Variants in PTGR2 observed in about 807,000 individuals in gnomAD.
The protein encoded by PTGR2 is 15-oxoprostaglandin 13-reductase.
A neutral mutation model predicts 43.4 loss-of-function variants in PTGR2; 32 were observed. That is an observed-to-expected ratio of 0.74 (90% confidence interval 0.56 to 0.99). The LOEUF (loss-of-function observed/expected upper bound fraction) is 0.99, where lower values mean the gene tolerates loss of function less well. PTGR2 is among the 50% of genes least tolerant of loss of function. PTGR2 has a pLI of 0.00. For synonymous variants in PTGR2, 106 were observed against 139.2 expected, an observed-to-expected ratio of 0.76 and a Z score of 1.68; for missense variants, 373 against 420.0, an observed-to-expected ratio of 0.89 and a Z score of 0.98.
chr14:73,873,264 G>A (rs763518334), intron 3 of PTGR2, among the ~76,000 whole-genome samples: 2 of 151,422 alleles, frequency 1.3e-5, no homozygotes, highest in South Asian at 2.1e-4. Flanking sequence ...CCTAGATCGC[G>A]TCATTGTACT....
chr14:73,852,820 A>G (rs1237761520), intron 1 of PTGR2, among the ~76,000 whole-genome samples: 1 of 151,864 alleles, frequency 6.6e-6, no homozygotes, highest in Non-Finnish European at 1.5e-5. Flanking sequence ...CCAGAAAGAC[A>G]CGTGGTTTGT....
chr14:73,859,998 G>A (rs1057065795), intron 2 of PTGR2, among the ~76,000 whole-genome samples: 8 of 151,712 alleles, frequency 5.3e-5, no homozygotes, highest in Admixed American at 1.3e-4. Flanking sequence ...ACAGGCGTGC[G>A]CCACCACGCC....
chr14:73,876,356 G>A (rs1254248876), intron 4 of PTGR2, among the ~76,000 whole-genome samples: 1 of 152,162 alleles, frequency 6.6e-6, no homozygotes, highest in South Asian at 2.1e-4. Flanking sequence ...GGAAAATTTG[G>A]TTTCTGGTGA....
chr14:73,885,159 C>A lies in PTGR2; in HGVS notation c.*982C>A, dbSNP rs1019127401. The stretch of plus-strand genomic sequence containing the variant: ...CAAAAATTAGCTGGGCGTGGTGGCA[C>A]ACGCCTGTAATCCCAGCTACTCAGG... On this transcript the variant is annotated 3_prime_UTR_variant, in exon 10 of 10. Coordinates refer to ENST00000555661, the MANE Select transcript of PTGR2 (RefSeq NM_001146154.2). 1 of 152,266 alleles carries A rather than the reference C, an allele frequency of 6.6e-6. No individual in the cohort carries two copies. Among genetic ancestry groups the A allele is most frequent in the Admixed American group, 6.5e-5 (1 of 15,274 alleles). The allele number at this position is 152,266 out of a possible 1,614,324, so 9.4% of individuals were successfully genotyped here.
Position 73,860,499 on chromosome 14 carries a change from G to C in PTGR2, c.38-40G>C, listed in dbSNP as rs373146639. ...AATAATAATAATAGTATATAGCAAA[G>C]TGGCTTTTTTTAACTTTATATTTTT... is the stretch of plus-strand genomic sequence containing the variant. On this transcript the variant is annotated intron_variant, in intron 2 of 9. Transcript: ENST00000555661. The C allele has an allele frequency of 3.5e-5, 34 of 966,526 alleles. No individual in the cohort carries two copies. The African/African-American group carries it at 4.5e-4, about 13-fold the overall frequency. The allele number at this position is 966,526 out of a possible 1,614,324, so 59.9% of individuals were successfully genotyped here. A position where few individuals can be genotyped will look rare whatever the true frequency, so the allele number is the denominator to read the frequency against.
At chr14:73,856,218 C>G (rs1441632102) in intron 1 of PTGR2, among the ~76,000 whole-genome samples, 1 of 152,000 alleles carries the variant, frequency 6.6e-6, no homozygotes, top group African/African-American at 2.4e-5. Context: ...GTAAGTTACC[C>G]TATATAGGTA....
chr14:73,868,150 G>T (rs535781487), intron 3 of PTGR2, among the ~76,000 whole-genome samples: 8 of 152,234 alleles, frequency 5.3e-5, no homozygotes, highest in Non-Finnish European at 8.8e-5. Flanking sequence ...TTAGCCAGGC[G>T]TGGTGGCACA....
At position 73,881,222 on chromosome 14, in the gene PTGR2, T is replaced by G; in HGVS notation, c.869T>G (p.Leu290Ter). 1 of 1,606,764 alleles carries G rather than the reference T, an allele frequency of 6.2e-7. No homozygotes were observed. The highest frequency in any genetic ancestry group is 8.5e-7 in the Non-Finnish European group (1 of 1,173,442). Residue 290 changes from leucine to a stop codon, truncating the protein, a stop_gained, in exon 8 of 10, where the codon TTA (leucine) becomes TGA (stop). Transcript: ENST00000555661. LOFTEE classifies it high-confidence loss of function. The stretch of plus-strand genomic sequence containing the variant: ...CACTGCAGGGAAAGATTTCTGGTAT[T>G]AAATTATAAAGACAAATTTGAGCCT... ...RNITRERFLV[L>*]NYKDKFEPGI...
At chr14:73,861,591 A>G (rs374427697) in intron 3 of PTGR2, 1 of 152,062 alleles carries the variant, frequency 6.6e-6, no homozygotes, top group East Asian at 1.9e-4. Context: ...AAAAATTTAG[A>G]CAGGTGTGGT....
chr14:73,857,481 G>C (rs2054375649), intron 1 of PTGR2, among the ~76,000 whole-genome samples: 1 of 151,544 alleles, frequency 6.6e-6, no homozygotes, highest in Non-Finnish European at 1.5e-5. Context: ...GGGCACCGTG[G>C]TGCACGCCTG....
At chr14:73,877,304 C>CTT in intron 5 of PTGR2, 136 bp downstream of exon 5, 1 of 803,458 alleles carries the variant, frequency 1.2e-6, no homozygotes, top group South Asian at 2.2e-5. Flanking sequence ...GAGACAGAGT[C>CTT]TCCAGGCTGG....
At position 73,876,674 on chromosome 14, in the gene PTGR2, G is replaced by A. The variant is rs571674339; in HGVS notation, c.349-324G>A. On this transcript the variant is annotated intron_variant, in intron 4 of 9. Transcript: ENST00000555661. ...GTATTTTTAGTAGAGATGGGGTTTC[G>A]CCATGTTGGCTAGGCTGGTCTCGAA... Among the ~76,000 whole-genome samples, 9 of 151,704 alleles carry A rather than the reference G, an allele frequency of 5.9e-5. No homozygotes were observed. In the East Asian group the frequency reaches 1.6e-3, roughly 26 times the overall value.
chr14:73,877,010 C>T lies in PTGR2; in HGVS notation c.361C>T (p.Leu121Phe), dbSNP rs746150118. 3 of 1,611,930 alleles carry T rather than the reference C, an allele frequency of 1.9e-6. No individual in the cohort carries two copies. The East Asian group carries it at 6.7e-5, about 36-fold the overall frequency. The change falls in exon 5 of 10, where the codon CTT becomes TTT. Residue 121 changes from leucine (L) to phenylalanine (F), a missense_variant. By Grantham distance (22) the Leu-to-Phe change is conservative (BLOSUM62 0). Transcript: ENST00000555661. Reference sequence around the variant, plus strand: ...TATTTTATTTTAGGTAGACCCACAACTTGTGGATGGACACCTTTCATATTT... The same window carrying T: ...TATTTTATTTTAGGTAGACCCACAATTTGTGGATGGACACCTTTCATATTT... ...GNSLEKVDPQLVDGHLSYFLG... is the reference protein window; with the variant it reads ...GNSLEKVDPQFVDGHLSYFLG...
At position 73,880,181 on chromosome 14, in the gene PTGR2, G is replaced by A; in HGVS notation, c.851+5G>A. 1 of 1,613,584 alleles carries A rather than the reference G, an allele frequency of 6.2e-7. No homozygotes were observed. The highest frequency in any genetic ancestry group is 8.5e-7 in the Non-Finnish European group (1 of 1,179,628). ...GAAAGAAAGAAACATCACAAGGTGT[G>A]TTCTTCCTCTTTGCCCTTATTACCA... On this transcript the variant is annotated splice_donor_5th_base_variant and intron_variant, in intron 7 of 9. Transcript: ENST00000555661.
At chr14:73,880,205 C>T in intron 7 of PTGR2, 29 bp downstream of exon 7, 2 of 1,611,278 alleles carry the variant, frequency 1.2e-6, no homozygotes, top group South Asian at 1.1e-5. Flanking sequence ...CCCTTATTAC[C>T]AGGTTCATGG....
At chr14:73,876,520 C>G (rs529189743) in intron 4 of PTGR2, among the ~76,000 whole-genome samples, 3 of 119,308 alleles carry the variant, frequency 2.5e-5, no homozygotes, top group Non-Finnish European at 5.0e-5. Flanking sequence ...CTAACTCTGT[C>G]GCCCAGGCTG....
chr14:73,857,568 C>T (rs915244155), intron 1 of PTGR2, among the ~76,000 whole-genome samples: 7 of 150,698 alleles, frequency 4.6e-5, no homozygotes, highest in South Asian at 2.1e-4. Context: ...GAGCTGAGAT[C>T]GCGCCACTGC....
intron 1 of PTGR2, among the ~76,000 whole-genome samples, chr14:73,857,897 T>C (rs1002594674): frequency 1.3e-5 from 2 of 151,670 alleles, no homozygotes; most frequent in Non-Finnish European, 2.9e-5. Flanking sequence ...TCTTGAACTC[T>C]TGACCTTGTG....
At chr14:73,857,664 G>GTTGTTTTTTTTTTT (rs2054383414) in intron 1 of PTGR2, among the ~76,000 whole-genome samples, 2 of 64,696 alleles carry the variant, frequency 3.1e-5, no homozygotes, top group Non-Finnish European at 5.4e-5. Context: ...AGCAGTTAGT[G>GTTGTTTTTTTTTTT]TTTTTTTTTT....
Sources: gnomAD v4.1 joint callset for allele counts (sites outside exome capture counted in the v4.1 genomes callset) on GRCh38, gnomAD v4.1.1 for gene constraint, MANE v1.5 for transcripts, NCBI Gene and HGNC (gene_info 2026-07-23, HGNC 2026-07-21) for gene names.